RAD51C: variants seen among roughly 807,000 people sequenced by gnomAD.
RAD51C encodes the protein DNA repair protein RAD51 homolog 3.
RAD51C carries 42 observed loss-of-function variants against 45.0 expected under a neutral mutation model. The ratio of observed to expected loss-of-function variants is 0.93; its 90% CI spans 0.73 to 1.21. The LOEUF is 1.21. Ranked by LOEUF, RAD51C falls within the 50% of genes most tolerant of loss-of-function variation. RAD51C has a pLI of 0.00. For missense variants in RAD51C, 474 were observed against 452.2 expected (o/e 1.05, Z -0.44); for synonymous variants, 172 against 159.8 (o/e 1.08, Z -0.58).
intron 4 of RAD51C, among the ~76,000 whole-genome samples, chr17:58,705,003 C>T (rs551567269): frequency 6.6e-6 from 1 of 151,756 alleles, no homozygotes; most frequent in African/African-American, 2.4e-5. Flanking sequence ...TGTTGGCATG[C>T]ACCTGTGATC....
At chr17:58,733,223 C>G (rs887809393) in intron 8 of RAD51C, among the ~76,000 whole-genome samples, 1 of 152,084 alleles carries the variant, frequency 6.6e-6, no homozygotes, top group Admixed American at 6.6e-5. Context: ...GCCATGTTGG[C>G]CAGACTAGTC....
At chr17:58,707,856 G>T (rs1363388020) in intron 4 of RAD51C, among the ~76,000 whole-genome samples, 1 of 152,128 alleles carries the variant, frequency 6.6e-6, no homozygotes, top group African/African-American at 2.4e-5. Flanking sequence ...CTCTCTCCCT[G>T]GCATGTAGAT....
chr17:58,719,181 G>A (rs1442547152), intron 5 of RAD51C, among the ~76,000 whole-genome samples: 2 of 151,868 alleles, frequency 1.3e-5, no homozygotes, highest in Non-Finnish European at 2.9e-5. Context: ...CCGAGATCGC[G>A]CCATTGCACT....
At chr17:58,731,563 A>G (rs1161545433) in intron 7 of RAD51C, among the ~76,000 whole-genome samples, 2 of 152,168 alleles carry the variant, frequency 1.3e-5, no homozygotes, top group Non-Finnish European at 2.9e-5. Context: ...CCAGCCAAAA[A>G]GCAGTCTTAA....
intron 5 of RAD51C, among the ~76,000 whole-genome samples, chr17:58,712,011 A>T (rs1048650873): frequency 6.6e-6 from 1 of 151,968 alleles, no homozygotes; most frequent in Admixed American, 6.6e-5. Flanking sequence ...GACCAGCCTG[A>T]ACAACAAAGC....
chr17:58,718,163 A>G (rs1413972450), intron 5 of RAD51C, among the ~76,000 whole-genome samples: 1 of 151,816 alleles, frequency 6.6e-6, no homozygotes, highest in Non-Finnish European at 1.5e-5. Flanking sequence ...CGTTCGGCTA[A>G]TTTTTTGTAA....
intron 7 of RAD51C, among the ~76,000 whole-genome samples, chr17:58,725,863 A>G (rs1014907698): frequency 6.6e-6 from 1 of 151,982 alleles, no homozygotes; most frequent in South Asian, 2.1e-4. Context: ...GTGATGGCAC[A>G]CACCTTTAGT....
chr17:58,719,493 G>A (rs928251981), intron 5 of RAD51C, among the ~76,000 whole-genome samples: 4 of 151,872 alleles, frequency 2.6e-5, no homozygotes, highest in African/African-American at 9.7e-5. Flanking sequence ...GATCAGCCTG[G>A]GCAACATAGC....
chr17:58,726,250 C>G (rs1175884410), intron 7 of RAD51C, among the ~76,000 whole-genome samples: 1 of 150,844 alleles, frequency 6.6e-6, no homozygotes, highest in Non-Finnish European at 1.5e-5. Flanking sequence ...GAATGTATAC[C>G]TATTATTATT....
chr17:58,702,906 A>G (rs2048258704), intron 3 of RAD51C, among the ~76,000 whole-genome samples: 1 of 152,144 alleles, frequency 6.6e-6, no homozygotes, highest in Admixed American at 6.6e-5. Context: ...GGCGACGGAT[A>G]GCATTAGGAG....
chr17:58,732,292 A>G (rs948835866), intron 7 of RAD51C, 192 bp from the exon 8 acceptor site: 3 of 485,642 alleles, frequency 6.2e-6, no homozygotes, highest in Non-Finnish European at 1.1e-5. Flanking sequence ...AATTTCATAT[A>G]AACTCTGTTA....
intron 5 of RAD51C, among the ~76,000 whole-genome samples, chr17:58,716,324 T>C (rs2048735622): frequency 1.3e-5 from 2 of 152,102 alleles, no homozygotes; most frequent in Admixed American, 1.3e-4. Context: ...AACTAAGTAC[T>C]CTCTCTAAAC....
intron 7 of RAD51C, among the ~76,000 whole-genome samples, chr17:58,729,471 T>G (rs550948405): frequency 1.3e-5 from 2 of 152,254 alleles, no homozygotes; most frequent in South Asian, 4.1e-4. Context: ...CACCTCGGCC[T>G]CCCAAAGGGC....
chr17:58,711,872 T>C (rs914571668), intron 5 of RAD51C, among the ~76,000 whole-genome samples: 1 of 152,014 alleles, frequency 6.6e-6, no homozygotes, highest in African/African-American at 2.4e-5. Context: ...CCAATTAACA[T>C]ATATATAACA....
intron 3 of RAD51C, among the ~76,000 whole-genome samples, chr17:58,699,286 A>G (rs185128889): frequency 1.3e-5 from 2 of 152,252 alleles, no homozygotes; most frequent in East Asian, 3.9e-4. Flanking sequence ...GATTACAGGC[A>G]TGAGCTACAG....
At chr17:58,703,455 C>T (rs1047665143) in intron 4 of RAD51C, 126 bp downstream of exon 4, 1 of 945,070 alleles carries the variant, frequency 1.1e-6, no homozygotes, top group Non-Finnish European at 1.6e-6. Flanking sequence ...TCTCTTCCTT[C>T]CTTGACCTAC....
intron 1 of RAD51C, 75 bp from the exon 2 acceptor site, chr17:58,694,856 T>A (rs1177163806): frequency 7.6e-7 from 1 of 1,318,472 alleles, no homozygotes; most frequent in South Asian, 1.2e-5. Context: ...TACAAATTAA[T>A]AAAGACAATC....
rs760436864 is a variant in RAD51C at position 58,696,765 on chromosome 17, T to G, written c.477T>G (p.Asp159Glu). Residue 159 changes from aspartate (D) to glutamate (E), a missense_variant, in exon 3 of 9, where the codon GAT (aspartate) becomes GAG (glutamate). Transcript: ENST00000337432. ...TGGCAGGTGAAGCAGTTTTTATTGA[T>G]ACAGAGGGAAGTTTTATGGTTGATA... ...GGVAGEAVFI[D>E]TEGSFMVDRV... 9.9e-6 allele frequency: 16 copies of G among 1,614,222 alleles called. No homozygotes were observed. The highest frequency in any genetic ancestry group is 1.1e-5 in the Non-Finnish European group (13 of 1,180,038).
intron 7 of RAD51C, among the ~76,000 whole-genome samples, chr17:58,725,636 C>T (rs914317056): frequency 8.5e-5 from 13 of 152,134 alleles, no homozygotes; most frequent in Admixed American, 5.9e-4. Context: ...CAGAAAATCA[C>T]GCTTACCATG....
Sources: allele counts gnomAD v4.1 joint callset (sites outside exome capture counted in the v4.1 genomes callset), GRCh38; gene constraint gnomAD v4.1.1; transcripts MANE v1.5; gene names NCBI Gene and HGNC (gene_info 2026-07-23, HGNC 2026-07-21).